DPYD: variants seen among roughly 807,000 people sequenced by gnomAD.
DPYD encodes the protein dihydropyrimidine dehydrogenase, also known as dihydropyrimidine dehydrogenase [NADP(+)].
A neutral mutation model predicts 116.2 loss-of-function variants in DPYD; 109 were observed. That is an observed-to-expected ratio of 0.94 (90% confidence interval 0.80 to 1.10). The LOEUF (loss-of-function observed/expected upper bound fraction) is 1.10. Among genes scored for constraint, DPYD ranks in the 50% least tolerant of loss-of-function variants. The pLI is 0.00. For missense variants in DPYD, 1,302 were observed against 1,254.5 expected, an observed-to-expected ratio of 1.04 and a Z score of -0.57; for synonymous variants, 440 against 432.0, an observed-to-expected ratio of 1.02 and a Z score of -0.23.
At position 97,898,931 on chromosome 1, in the gene DPYD, C is replaced by T. The variant is rs561574578; in HGVS notation, c.40-15557G>A. On this transcript the variant is annotated intron_variant, in intron 1 of 22. Transcript: ENST00000370192. ...ATGTGGAACTCTGAATCCATCAAAC[C>T]TCTTTCCTTTATAAATTATCCAGTT... Among the ~76,000 whole-genome samples, 184 of 151,984 alleles carry T rather than the reference C, an allele frequency of 1.2e-3. No homozygotes were observed. The Middle Eastern group carries it at 0.024, about 20-fold the overall frequency.
At chr1:97,817,056 T>A (rs771902213) in intron 3 of DPYD, among the ~76,000 whole-genome samples, 1 of 152,090 alleles carries the variant, frequency 6.6e-6, no homozygotes, top group African/African-American at 2.4e-5. Context: ...AAGGGCTAAA[T>A]CCAGATGGCT....
At chr1:97,400,860 T>C (rs1052709218) in intron 14 of DPYD, among the ~76,000 whole-genome samples, 72 of 152,154 alleles carry the variant, frequency 4.7e-4, no homozygotes, top group African/African-American at 1.6e-3. Flanking sequence ...TTAGTCTTGC[T>C]AGTGCTCTAT....
chr1:97,659,165 G>A (rs912071311), intron 8 of DPYD, among the ~76,000 whole-genome samples: 1 of 152,074 alleles, frequency 6.6e-6, no homozygotes, highest in Non-Finnish European at 1.5e-5. Context: ...ATATTTTGTT[G>A]TAATTATGTT....
In DPYD at chr1:97,723,896, C is replaced by T. The variant is rs150593259; in HGVS notation, c.322-2225G>A. On this transcript the variant is annotated intron_variant, in intron 4 of 22. Transcript: ENST00000370192. ...GCATTTGAGGCTGCCATGGCTTAAT[C>T]GGTGAATTGTATAAAACATATAATA... Among the ~76,000 whole-genome samples, 326 of 151,686 alleles carry T rather than the reference C, an allele frequency of 2.1e-3. 2 individuals carry two copies. The highest frequency in any genetic ancestry group is 6.8e-3 in the African/African-American group (283 of 41,486).
intron 20 of DPYD, among the ~76,000 whole-genome samples, chr1:97,152,246 T>C (rs1044363194): frequency 1.3e-5 from 2 of 152,198 alleles, no homozygotes; most frequent in Admixed American, 6.5e-5. Context: ...ATGTGGCTAA[T>C]TTATTTCCTG....
chr1:97,811,651 ATTC>A (rs1261692790), intron 3 of DPYD, among the ~76,000 whole-genome samples: 5 of 152,162 alleles, frequency 3.3e-5, no homozygotes, highest in Non-Finnish European at 7.4e-5. Flanking sequence ...ATCAATCAGT[ATTC>A]TTAATTCCAT....
In DPYD at chr1:97,595,052, G is replaced by A. The variant is rs1243506866; in HGVS notation, c.958+7C>T. On this transcript the variant is annotated splice_region_variant and intron_variant, in intron 9 of 22. Transcript: ENST00000370192. ...CACTATTAAGCATAAAAGACAATAT[G>A]TTATACCTGCTTTACTGCCTTTGGC... 2 of 1,600,380 alleles carry A rather than the reference G, an allele frequency of 1.2e-6. No homozygotes were observed. Among genetic ancestry groups the A allele is most frequent in the Middle Eastern group, 1.7e-4 (1 of 6,054 alleles).
chr1:97,830,725 G>A (rs1449015425), intron 2 of DPYD, among the ~76,000 whole-genome samples: 5 of 151,190 alleles, frequency 3.3e-5, no homozygotes, highest in South Asian at 2.1e-4. Flanking sequence ...AAAAAAAAGA[G>A]AGAGAGAGAA....
At chr1:97,427,994 A>T (rs1373604553) in intron 14 of DPYD, among the ~76,000 whole-genome samples, 1 of 152,158 alleles carries the variant, frequency 6.6e-6, no homozygotes, top group Non-Finnish European at 1.5e-5. Flanking sequence ...AAAAATGGCT[A>T]AGTATTTATG....
chr1:97,317,636 C>G (rs1249099821), intron 16 of DPYD, among the ~76,000 whole-genome samples: 5 of 151,962 alleles, frequency 3.3e-5, no homozygotes, highest in African/African-American at 1.2e-4. Context: ...AAAACAACCA[C>G]AAGCATAAAA....
At chr1:97,588,931 A>G (rs753467481) in intron 10 of DPYD, among the ~76,000 whole-genome samples, 2 of 152,176 alleles carry the variant, frequency 1.3e-5, no homozygotes, top group Non-Finnish European at 2.9e-5. Context: ...CTCTAATTAG[A>G]CAGCTGGAAA....
intron 8 of DPYD, among the ~76,000 whole-genome samples, chr1:97,605,745 T>A (rs1226480121): frequency 6.6e-6 from 1 of 152,060 alleles, no homozygotes; most frequent in Non-Finnish European, 1.5e-5. Flanking sequence ...TGAGATAATA[T>A]ATCTCAATAG....
intron 20 of DPYD, among the ~76,000 whole-genome samples, chr1:97,120,217 T>C (rs1359454700): frequency 6.6e-6 from 1 of 152,198 alleles, no homozygotes; most frequent in East Asian, 1.9e-4. Context: ...CCAACTGAAA[T>C]AGCCTTGCAG....
At chr1:97,124,781 T>C (rs1468069254) in intron 20 of DPYD, among the ~76,000 whole-genome samples, 2 of 152,172 alleles carry the variant, frequency 1.3e-5, no homozygotes, top group African/African-American at 4.8e-5. Flanking sequence ...GAATAGTTTA[T>C]CTGATCTCCT....
intron 19 of DPYD, among the ~76,000 whole-genome samples, chr1:97,210,605 A>C (rs1358370379): frequency 6.6e-6 from 1 of 152,152 alleles, no homozygotes; most frequent in African/African-American, 2.4e-5. Context: ...ATGCACATAC[A>C]TCCTAGCTAG....
intron 3 of DPYD, among the ~76,000 whole-genome samples, chr1:97,825,369 T>C (rs1669181335): frequency 6.6e-6 from 1 of 151,716 alleles, no homozygotes; most frequent in South Asian, 2.1e-4. Context: ...CCCAAGATGG[T>C]GAAAGGCCCC....
chr1:97,408,335 T>C (rs1281328809), intron 14 of DPYD, among the ~76,000 whole-genome samples: 2 of 152,208 alleles, frequency 1.3e-5, no homozygotes, highest in Non-Finnish European at 2.9e-5. Flanking sequence ...CCTTCTTATT[T>C]TGTTAAGAAC....
intron 8 of DPYD, among the ~76,000 whole-genome samples, chr1:97,600,330 G>A (rs905453502): frequency 1.3e-5 from 2 of 152,094 alleles, no homozygotes; most frequent in Non-Finnish European, 2.9e-5. Context: ...CTTGGGAAAT[G>A]GTGCTGCATT....
rs536045178 is a variant in DPYD, at chr1:97,548,103, CAAACAAGAGAACCA to C, written c.1524+1443_1524+1456del. On this transcript the variant is annotated intron_variant, in intron 12 of 22. Coordinates refer to ENST00000370192, the MANE Select transcript of DPYD (RefSeq NM_000110.4). Reference sequence around the variant, plus strand: ...GTGAATTTTGTTAGCATGTGGGAAACAAACAAGAGAACCAAAACAAGAGTGGTAAAAACAAGAGT... The same window carrying C: ...GTGAATTTTGTTAGCATGTGGGAAACAAACAAGAGTGGTAAAAACAAGAGT... Among the ~76,000 whole-genome samples, 87 of 152,046 alleles carry C rather than the reference CAAACAAGAGAACCA, an allele frequency of 5.7e-4. No homozygotes were observed. The Middle Eastern group carries it at 0.01, about 18-fold the overall frequency.
Sources: allele counts gnomAD v4.1 joint callset (sites outside exome capture counted in the v4.1 genomes callset), GRCh38; gene constraint gnomAD v4.1.1; transcripts MANE v1.5; gene names NCBI Gene and HGNC (gene_info 2026-07-23, HGNC 2026-07-21).